The following CCDC85A variants were observed in gnomAD, a reference collection of about 807,000 sequenced individuals.
CCDC85A encodes the protein coiled-coil domain-containing protein 85A.
CCDC85A carries 38 observed loss-of-function variants against 50.2 expected under a neutral mutation model. The observed-to-expected ratio is 0.76, with a 90% CI of 0.58 to 0.99. The LOEUF (loss-of-function observed/expected upper bound fraction) is 0.99. Ranked by LOEUF, CCDC85A falls within the 50% of genes least tolerant of loss-of-function variation. CCDC85A has a pLI of 0.00. For missense variants in CCDC85A, 820 were observed against 742.0 expected (o/e 1.11, Z -1.22); for synonymous variants, 366 against 301.4 (o/e 1.21, Z -2.22).
At chr2:56,317,631 G>A (rs112908102) in intron 2 of CCDC85A, among the ~76,000 whole-genome samples, 3 of 152,026 alleles carry the variant, frequency 2.0e-5, no homozygotes, top group Non-Finnish European at 4.4e-5. Context: ...GACTGAAAAA[G>A]GGTGCTTATT....
chr2:56,288,543 A>C (rs1671551629), intron 2 of CCDC85A, among the ~76,000 whole-genome samples: 1 of 152,090 alleles, frequency 6.6e-6, no homozygotes, highest in Non-Finnish European at 1.5e-5. Context: ...CTAATTAGGT[A>C]CTTTTGATGT....
At chr2:56,373,084 T>C (rs368000409) in intron 4 of CCDC85A, among the ~76,000 whole-genome samples, 9 of 152,340 alleles carry the variant, frequency 5.9e-5, no homozygotes, top group African/African-American at 1.9e-4. Context: ...TTTTATTTTA[T>C]AGTACTAAAT....
At chr2:56,230,034 T>C (rs1668712048) in intron 2 of CCDC85A, among the ~76,000 whole-genome samples, 1 of 152,214 alleles carries the variant, frequency 6.6e-6, no homozygotes, top group African/African-American at 2.4e-5. Flanking sequence ...AAAATTATGC[T>C]TGAGTAAGTA....
chr2:56,226,839 A>G (rs1260029239), intron 2 of CCDC85A, among the ~76,000 whole-genome samples: 2 of 152,056 alleles, frequency 1.3e-5, no homozygotes, highest in East Asian at 3.9e-4. Context: ...TCCTAGCACA[A>G]GCAGAAGGCT....
intron 2 of CCDC85A, among the ~76,000 whole-genome samples, chr2:56,336,757 C>T (rs539666024): frequency 3.3e-5 from 5 of 152,166 alleles, no homozygotes; most frequent in African/African-American, 7.2e-5. Context: ...ACAGAGAAAA[C>T]GAACAGAGCT....
chr2:56,332,215 C>T (rs1254014733), intron 2 of CCDC85A, among the ~76,000 whole-genome samples: 1 of 152,158 alleles, frequency 6.6e-6, no homozygotes, highest in Non-Finnish European at 1.5e-5. Context: ...AGAAATAGTC[C>T]ATATTGTGTA....
intron 2 of CCDC85A, among the ~76,000 whole-genome samples, chr2:56,277,421 A>T (rs967954951): frequency 7.4e-6 from 1 of 135,458 alleles, no homozygotes; most frequent in Non-Finnish European, 1.5e-5. Flanking sequence ...GAGATCCTGC[A>T]TGGACACATT....
intron 2 of CCDC85A, among the ~76,000 whole-genome samples, chr2:56,303,877 A>G (rs1027918425): frequency 7.2e-5 from 11 of 152,048 alleles, no homozygotes; most frequent in African/African-American, 2.7e-4. Flanking sequence ...CTCCTAATGG[A>G]GATTGGTTAG....
chr2:56,301,554 T>C (rs1216296497), intron 2 of CCDC85A, among the ~76,000 whole-genome samples: 4 of 152,042 alleles, frequency 2.6e-5, no homozygotes, highest in East Asian at 1.9e-4. Context: ...TAATACCAAG[T>C]GAATAGGAAG....
At chr2:56,212,992 A>G (rs774173813) in intron 2 of CCDC85A, among the ~76,000 whole-genome samples, 19 of 152,118 alleles carry the variant, frequency 1.2e-4, no homozygotes, top group Admixed American at 3.3e-4. Flanking sequence ...TGACAATTAG[A>G]TAGCCATCTC....
rs143079186 is a variant in CCDC85A at position 56,226,648 on chromosome 2, C to T, written c.1240+33208C>T. On this transcript the variant is annotated intron_variant, in intron 2 of 5. Transcript: ENST00000407595. ...TTGTGAACCTTGGTATTATGAATTT[C>T]ATCTCTTCCTTGTGTTTTGTTACAT... Among the ~76,000 whole-genome samples the T allele has an allele frequency of 2.5e-4, 38 of 152,090 alleles. No individual in the cohort carries two copies. In the East Asian group the frequency reaches 7.2e-3, roughly 29 times the overall value.
intron 2 of CCDC85A, among the ~76,000 whole-genome samples, chr2:56,240,292 G>A (rs1017500817): frequency 4.6e-5 from 7 of 152,010 alleles, no homozygotes; most frequent in African/African-American, 1.2e-4. Context: ...AATCAGATTG[G>A]CCGCTGGCTG....
At position 56,197,893 on chromosome 2, in the gene CCDC85A, T is replaced by A. The variant is rs187241334; in HGVS notation, c.1240+4453T>A. 2.8e-3 allele frequency among the ~76,000 whole-genome samples: 430 copies of A among 152,362 alleles called. 2 individuals are homozygous for A. The highest frequency in any genetic ancestry group is 9.5e-3 in the African/African-American group (397 of 41,586). On this transcript the variant is annotated intron_variant, in intron 2 of 5. Coordinates refer to ENST00000407595, the MANE Select transcript of CCDC85A (RefSeq NM_001080433.2). ...GTAGGCTCATGACTGCTTTACTTTT[T>A]AAAGCCTTTACATCCAGATAGAAAA...
At chr2:56,335,778 CTT>C (rs1674042456) in intron 2 of CCDC85A, among the ~76,000 whole-genome samples, 1 of 151,606 alleles carries the variant, frequency 6.6e-6, no homozygotes, top group South Asian at 2.1e-4. Context: ...ATTTTTGTAT[CTT>C]TAGTAGAGAC....
chr2:56,245,764 A>C (rs1669478178), intron 2 of CCDC85A, among the ~76,000 whole-genome samples: 2 of 152,166 alleles, frequency 1.3e-5, no homozygotes, highest in African/African-American at 4.8e-5. Flanking sequence ...CTTAATAGCC[A>C]TGAGGCTATT....
At chr2:56,374,996 T>C (rs1676263968) in intron 4 of CCDC85A, among the ~76,000 whole-genome samples, 1 of 152,194 alleles carries the variant, frequency 6.6e-6, no homozygotes, top group Non-Finnish European at 1.5e-5. Flanking sequence ...AATAGTGTAA[T>C]GATCTACATA....
At chr2:56,307,787 G>T (rs1346157880) in intron 2 of CCDC85A, among the ~76,000 whole-genome samples, 1 of 152,154 alleles carries the variant, frequency 6.6e-6, no homozygotes. Context: ...TTTTTCTCAT[G>T]CTATGTCATT....
chr2:56,374,688 A>C (rs1185250208), intron 4 of CCDC85A, among the ~76,000 whole-genome samples: 1 of 152,202 alleles, frequency 6.6e-6, no homozygotes, highest in Non-Finnish European at 1.5e-5. Context: ...ACATGCCTGT[A>C]GTCCCAGATA....
chr2:56,338,392 C>G (rs1674186066), intron 2 of CCDC85A, among the ~76,000 whole-genome samples: 1 of 152,110 alleles, frequency 6.6e-6, no homozygotes, highest in East Asian at 1.9e-4. Context: ...TAGTTGACAC[C>G]CTTGAAAAAG....
Sources: allele counts gnomAD v4.1 joint callset (sites outside exome capture counted in the v4.1 genomes callset), GRCh38; gene constraint gnomAD v4.1.1; transcripts MANE v1.5; gene names NCBI Gene and HGNC (gene_info 2026-07-23, HGNC 2026-07-21).